Variants in KLK15 observed in about 807,000 individuals in gnomAD.
KLK15 encodes kallikrein related peptidase 15, also known as kallikrein-15.
Under a neutral mutation model 21.1 loss-of-function variants are expected in KLK15, and 19 were observed. The ratio of observed to expected loss-of-function variants is 0.90; its 90% CI spans 0.63 to 1.32. The LOEUF is 1.32. KLK15 is among the 40% of genes most tolerant of loss of function. The pLI is 0.00. For synonymous variants in KLK15, 141 were observed against 141.5 expected (o/e 1.00, Z 0.03); for missense variants, 345 against 348.6 (o/e 0.99, Z 0.08).
intron 1 of KLK15, among the ~76,000 whole-genome samples, chr19:50,829,916 C>G (rs954013363): frequency 6.6e-6 from 1 of 151,648 alleles, no homozygotes; most frequent in South Asian, 2.1e-4. Context: ...CCCAGAAGGC[C>G]AACACTCAGA....
upstream of KLK15, chr19:50,831,577 G>A: frequency 1.8e-6 from 2 of 1,130,432 alleles, no homozygotes; most frequent in Non-Finnish European, 2.4e-6. Context: ...GCCTCCACCA[G>A]GATCCCTCCA....
upstream of KLK15, chr19:50,831,616 T>C: frequency 1.4e-6 from 1 of 724,960 alleles, no homozygotes; most frequent in Non-Finnish European, 2.1e-6. Context: ...CCACTGTTAA[T>C]AAATTTCTTC....
At chr19:50,828,969 CAAAAAAAAAAAAA>C (rs3078002) in intron 1 of KLK15, among the ~76,000 whole-genome samples, 1 of 56,642 alleles carries the variant, frequency 1.8e-5, no homozygotes, top group Non-Finnish European at 3.2e-5. Context: ...AACTCCATCT[CAAAAAAAAAAAAA>C]AAAAAAAAAA....
At chr19:50,827,231 A>G (rs2089901159) in intron 2 of KLK15, 70 bp from the exon 4 acceptor site, 2 of 1,468,554 alleles carry the variant, frequency 1.4e-6, no homozygotes, top group Middle Eastern at 2.4e-4. Context: ...GAGGACAGAA[A>G]GATCAAAGAG....
Position 50,827,028 on chromosome 19 carries a change from G to A in KLK15, c.331C>T (p.Arg111Cys), listed in dbSNP as rs200017312. ...TTCAGGCGTGCGGGCTGGACTAGGCGCAGCAACATGATGTCGTTGCGGTGG... is the reference window on the plus strand; with the variant it reads ...TTCAGGCGTGCGGGCTGGACTAGGCACAGCAACATGATGTCGTTGCGGTGG... The change falls in exon 3 of 5, where the codon CGC (arginine) becomes TGC (cysteine). Residue 111 changes from arginine to cysteine, a missense_variant. By Grantham distance (180) the Arg-to-Cys change is radical. Transcript: ENST00000598239. The A allele has an allele frequency of 7.7e-5, 124 of 1,606,112 alleles. No individual in the cohort carries two copies. In the East Asian group the frequency reaches 2.4e-3, roughly 31 times the overall value.
chr19:50,827,885 C>G, intron 1 of KLK15, 70 bp from the exon 3 acceptor site: 1 of 1,432,626 alleles, frequency 7.0e-7, no homozygotes, highest in Non-Finnish European at 9.8e-7. Flanking sequence ...TCCTTGCACC[C>G]TGCCCTAACT....
At chr19:50,827,569 G>A in intron 2 of KLK15, 93 bp downstream of exon 3, 1 of 1,334,274 alleles carries the variant, frequency 7.5e-7, no homozygotes. Flanking sequence ...CAGAACCCAG[G>A]AGTTCTGGCG....
exon 5 of KLK15, chr19:50,825,754 G>A (rs777570045): frequency 1.3e-6 from 2 of 1,590,296 alleles, no homozygotes. Flanking sequence ...CAGCTGTGGG[G>A]GCTTCTGCTC....
intron 2 of KLK15, 53 bp from the exon 4 acceptor site, chr19:50,827,214 G>T: frequency 1.3e-6 from 2 of 1,514,652 alleles, no homozygotes; most frequent in Non-Finnish European, 1.8e-6. Context: ...GTGGTTACCC[G>T]CAAGTAGAGG....
At chr19:50,828,065 G>C (rs534480380) in intron 1 of KLK15, among the ~76,000 whole-genome samples, 1 of 151,574 alleles carries the variant, frequency 6.6e-6, no homozygotes, top group Non-Finnish European at 1.5e-5. Context: ...TGATCCTCCT[G>C]CCTCAGCCTC....
upstream of KLK15, among the ~76,000 whole-genome samples, chr19:50,833,527 CT>C (rs2090023797): frequency 6.6e-6 from 1 of 152,166 alleles, no homozygotes; most frequent in Non-Finnish European, 1.5e-5. Flanking sequence ...AAGCTCTCAC[CT>C]CCTCCAGATC....
At chr19:50,831,537 G>A, upstream of KLK15, 2 of 1,434,816 alleles carry the variant, frequency 1.4e-6, no homozygotes, top group Non-Finnish European at 1.8e-6. Context: ...GGGAGGGAGT[G>A]AGAGAATCCA....
chr19:50,825,713 G>A (rs929120765), downstream of KLK15: 17 of 1,437,342 alleles, frequency 1.2e-5, no homozygotes, highest in Admixed American at 3.6e-5. Context: ...GGATGGCTCC[G>A]TTCTGTTCCA....
chr19:50,826,717 A>C, exon 4 of KLK15: 1 of 1,614,116 alleles, frequency 6.2e-7, no homozygotes, highest in Non-Finnish European at 8.5e-7. Flanking sequence ...TGTCCGAGAT[A>C]ATGCTGATGT....
At chr19:50,829,517 G>A (rs2123415762) in intron 1 of KLK15, among the ~76,000 whole-genome samples, 1 of 151,914 alleles carries the variant, frequency 6.6e-6, no homozygotes, top group Non-Finnish European at 1.5e-5. Context: ...TTGGCCAGGT[G>A]TGGTGGCTCA....
At chr19:50,827,419 C>T (rs772495481) in intron 2 of KLK15, among the ~76,000 whole-genome samples, 3 of 151,680 alleles carry the variant, frequency 2.0e-5, no homozygotes, top group East Asian at 1.9e-4. Context: ...GGTCTGTCCC[C>T]GAATCCAGGA....
At chr19:50,826,461 C>A (rs3212807) in intron 4 of KLK15, 160 bp downstream of exon 5, 7 of 825,040 alleles carry the variant, frequency 8.5e-6, no homozygotes, top group Non-Finnish European at 1.3e-5. Context: ...ATAACCCCAA[C>A]TCCAACCTCA....
chr19:50,827,714 C>A (rs756154694), exon 2 of KLK15: 1 of 1,611,218 alleles, frequency 6.2e-7, no homozygotes, highest in South Asian at 1.1e-5. Flanking sequence ...ATGAGGGAAG[C>A]GCCACAGTTA....
At chr19:50,832,479 C>T (rs987791318), upstream of KLK15, among the ~76,000 whole-genome samples, 16 of 151,812 alleles carry the variant, frequency 1.1e-4, no homozygotes, top group East Asian at 3.9e-4. Flanking sequence ...TGTGCCACCA[C>T]GCCCAGCTAA....
Sources: gnomAD v4.1 joint callset for allele counts (sites outside exome capture counted in the v4.1 genomes callset) on GRCh38, gnomAD v4.1.1 for gene constraint, MANE v1.5 for transcripts, NCBI Gene and HGNC (gene_info 2026-07-23, HGNC 2026-07-21) for gene names.